The following ZCWPW2 variants were observed in gnomAD, a reference collection of about 807,000 sequenced individuals.
ZCWPW2 encodes the protein zinc finger CW-type PWWP domain protein 2.
ZCWPW2 carries 45 observed loss-of-function variants against 46.6 expected under a neutral mutation model. The ratio of observed to expected loss-of-function variants is 0.96; its 90% CI spans 0.76 to 1.24. The LOEUF is 1.24. Ranked by LOEUF, ZCWPW2 falls within the 50% of genes most tolerant of loss-of-function variation. ZCWPW2 has a pLI of 0.00. For synonymous variants in ZCWPW2, 152 were observed against 137.1 expected, an observed-to-expected ratio of 1.11 and a Z score of -0.76; for missense variants, 429 against 403.9, an observed-to-expected ratio of 1.06 and a Z score of -0.53.
chr3:28,384,103 A>G (rs1164535314), intron 1 of ZCWPW2, among the ~76,000 whole-genome samples: 1 of 152,114 alleles, frequency 6.6e-6, no homozygotes, highest in African/African-American at 2.4e-5. Flanking sequence ...AATTTGGGTA[A>G]TACATTTCTG....
Position 28,432,465 on chromosome 3 carries a change from G to T in ZCWPW2, c.333-2645G>T, listed in dbSNP as rs371695768. ...ATTAGGTATGCATATTTTATATCTT[G>T]ATCTGTAAAACTCGATCATATTTCT... On this transcript the variant is annotated intron_variant, in intron 3 of 9. Coordinates refer to ENST00000383768, the MANE Select transcript of ZCWPW2 (RefSeq NM_001040432.4). Among the ~76,000 whole-genome samples the T allele has an allele frequency of 1.4e-4, 22 of 152,220 alleles. No individual in the cohort carries two copies. The South Asian group carries it at 3.9e-3, about 27-fold the overall frequency.
rs150731107 is a variant in ZCWPW2 at position 28,500,256 on chromosome 3, G to A, written c.657+8083G>A. Among the ~76,000 whole-genome samples, 379 of 152,134 alleles carry A rather than the reference G, an allele frequency of 2.5e-3. 1 individual carries two copies. Among genetic ancestry groups the A allele is most frequent in the African/African-American group, 8.4e-3 (347 of 41,552 alleles). On this transcript the variant is annotated intron_variant, in intron 6 of 9. Coordinates refer to ENST00000383768, the MANE Select transcript of ZCWPW2 (RefSeq NM_001040432.4). ...CATAATTTGTTGTTGTTTCTATGAT[G>A]TGAAGTAAAAGAAATCTATATACTA...
intron 6 of ZCWPW2, among the ~76,000 whole-genome samples, chr3:28,504,221 A>T (rs1700220450): frequency 6.6e-6 from 1 of 152,090 alleles, no homozygotes; most frequent in African/African-American, 2.4e-5. Flanking sequence ...AATAACAATA[A>T]TTCTTTCACT....
intron 4 of ZCWPW2, among the ~76,000 whole-genome samples, chr3:28,442,420 C>T (rs926203454): frequency 1.3e-5 from 2 of 152,190 alleles, no homozygotes; most frequent in Admixed American, 6.5e-5. Flanking sequence ...ACTTCTTGCT[C>T]ACTGGATCCA....
intron 1 of ZCWPW2, 140 bp downstream of exon 1, chr3:28,349,343 GT>G: frequency 2.7e-6 from 1 of 363,746 alleles, no homozygotes; most frequent in Non-Finnish European, 3.8e-6. Flanking sequence ...CAGTAGCGCT[GT>G]TACAGGCTTA....
intron 2 of ZCWPW2, among the ~76,000 whole-genome samples, chr3:28,411,011 C>T (rs1185479708): frequency 6.6e-6 from 1 of 151,826 alleles, no homozygotes; most frequent in Non-Finnish European, 1.5e-5. Flanking sequence ...AATGGGGGAA[C>T]ATTTTTTACT....
At chr3:28,353,856 G>C (rs1300131460) in intron 1 of ZCWPW2, among the ~76,000 whole-genome samples, 1 of 152,148 alleles carries the variant, frequency 6.6e-6, no homozygotes, top group East Asian at 1.9e-4. Flanking sequence ...CAACAGAGGA[G>C]GTTGGTAGAT....
intron 1 of ZCWPW2, among the ~76,000 whole-genome samples, chr3:28,350,031 T>A (rs1704481538): frequency 6.6e-6 from 1 of 152,256 alleles, no homozygotes. Flanking sequence ...GAAATCTGTG[T>A]TAATGTTATC....
At chr3:28,456,702 G>T (rs551781715) in intron 4 of ZCWPW2, among the ~76,000 whole-genome samples, 6 of 152,154 alleles carry the variant, frequency 3.9e-5, no homozygotes, top group African/African-American at 1.2e-4. Context: ...TTTTATCAAA[G>T]GTCTTGTCTG....
rs557846916 is a variant in ZCWPW2, at chr3:28,437,730, TGTTA to T, written c.492+2465_492+2468del. On this transcript the variant is annotated intron_variant, in intron 4 of 9. Coordinates refer to ENST00000383768, the MANE Select transcript of ZCWPW2 (RefSeq NM_001040432.4). ...ATTTTTATTATAGATTTATAACTGA[TGTTA>T]GTTTATATATTTTAGTTTTTAATCA... 3.1e-4 allele frequency among the ~76,000 whole-genome samples: 47 copies of T among 152,348 alleles called. 1 individual carries two copies. Among genetic ancestry groups the T allele is most frequent in the African/African-American group, 1.1e-3 (44 of 41,584 alleles).
chr3:28,514,151 T>C, intron 7 of ZCWPW2, 29 bp downstream of exon 7: 1 of 1,375,086 alleles, frequency 7.3e-7, no homozygotes, highest in Non-Finnish European at 9.9e-7. Flanking sequence ...AATAGTATTA[T>C]GATAAAATTG....
chr3:28,354,197 C>A (rs553605506), intron 1 of ZCWPW2, among the ~76,000 whole-genome samples: 1 of 151,958 alleles, frequency 6.6e-6, no homozygotes, highest in Non-Finnish European at 1.5e-5. Context: ...CACAGAGATA[C>A]AAACTATCAT....
chr3:28,353,120 G>A (rs755340828), intron 1 of ZCWPW2, among the ~76,000 whole-genome samples: 7 of 151,962 alleles, frequency 4.6e-5, no homozygotes, highest in Non-Finnish European at 8.8e-5. Flanking sequence ...GGAGGCAGAG[G>A]CCACAGTGAA....
chr3:28,522,495 T>C (rs1034741303), intron 9 of ZCWPW2, among the ~76,000 whole-genome samples: 1 of 152,190 alleles, frequency 6.6e-6, no homozygotes, highest in Non-Finnish European at 1.5e-5. Flanking sequence ...CAAAGGGGTT[T>C]ATACCTTTAA....
At chr3:28,355,700 T>C (rs1026806493) in intron 1 of ZCWPW2, among the ~76,000 whole-genome samples, 1 of 152,150 alleles carries the variant, frequency 6.6e-6, no homozygotes, top group African/African-American at 2.4e-5. Context: ...ATACCACACA[T>C]CTACAACCAT....
chr3:28,361,534 T>C (rs1194230865), intron 1 of ZCWPW2, among the ~76,000 whole-genome samples: 1 of 151,780 alleles, frequency 6.6e-6, no homozygotes, highest in Non-Finnish European at 1.5e-5. Context: ...AATAAACAAG[T>C]GGGACTATAT....
At chr3:28,507,218 T>C (rs1463780605) in intron 6 of ZCWPW2, among the ~76,000 whole-genome samples, 2 of 152,188 alleles carry the variant, frequency 1.3e-5, no homozygotes, top group African/African-American at 4.8e-5. Flanking sequence ...ATTTCAGTCA[T>C]TGTGGAATAT....
intron 4 of ZCWPW2, among the ~76,000 whole-genome samples, chr3:28,454,678 TC>T (rs1262946692): frequency 2.6e-5 from 4 of 152,116 alleles, no homozygotes; most frequent in Non-Finnish European, 5.9e-5. Flanking sequence ...GTGTTGTCTC[TC>T]CCCTTGTGTC....
At chr3:28,398,981 A>T (rs1695814896) in intron 2 of ZCWPW2, among the ~76,000 whole-genome samples, 1 of 152,190 alleles carries the variant, frequency 6.6e-6, no homozygotes, top group South Asian at 2.1e-4. Context: ...CAGACTCTAC[A>T]GGCGGGGAAC....
Sources: gnomAD v4.1 joint callset for allele counts (sites outside exome capture counted in the v4.1 genomes callset) on GRCh38, gnomAD v4.1.1 for gene constraint, MANE v1.5 for transcripts, NCBI Gene and HGNC (gene_info 2026-07-23, HGNC 2026-07-21) for gene names.